SYT6: variants seen among roughly 807,000 people sequenced by gnomAD.
SYT6 encodes the protein synaptotagmin 6.
Under a neutral mutation model 38.4 loss-of-function variants are expected in SYT6, and 24 were observed. The ratio of observed to expected loss-of-function variants is 0.62; its 90% confidence interval spans 0.45 to 0.88. The LOEUF (loss-of-function observed/expected upper bound fraction) is 0.88. Ranked by LOEUF, SYT6 falls within the 40% of genes least tolerant of loss-of-function variation. The pLI, the probability that SYT6 is intolerant of heterozygous loss-of-function variation, is 0.00. For missense variants in SYT6, 611 were observed against 621.0 expected, an observed-to-expected ratio of 0.98 and a Z score of 0.17; for synonymous variants, 265 against 241.9, an observed-to-expected ratio of 1.10 and a Z score of -0.89.
chr1:114,112,740 G>A (rs1294749943), intron 3 of SYT6, among the ~76,000 whole-genome samples: 1 of 152,214 alleles, frequency 6.6e-6, no homozygotes, highest in African/African-American at 2.4e-5. Flanking sequence ...CAGGGGTGGT[G>A]GGGGTAGTAA....
intron 3 of SYT6, among the ~76,000 whole-genome samples, chr1:114,127,001 G>C (rs1042437741): frequency 6.6e-6 from 1 of 152,256 alleles, no homozygotes; most frequent in Non-Finnish European, 1.5e-5. Flanking sequence ...AAGCAGCAGA[G>C]AAGGATCTTT....
intron 3 of SYT6, among the ~76,000 whole-genome samples, chr1:114,123,647 T>C (rs552067891): frequency 3.3e-5 from 5 of 152,342 alleles, no homozygotes; most frequent in Non-Finnish European, 5.9e-5. Flanking sequence ...TAGGTGCTCC[T>C]TCATGTTCTG....
At chr1:114,130,697 G>A (rs1383342864) in intron 3 of SYT6, among the ~76,000 whole-genome samples, 1 of 152,190 alleles carries the variant, frequency 6.6e-6, no homozygotes, top group African/African-American at 2.4e-5. Context: ...TTGAAAGCAA[G>A]GACTATGTTT....
chr1:114,131,905 A>G (rs1678181669), intron 3 of SYT6, among the ~76,000 whole-genome samples: 1 of 152,200 alleles, frequency 6.6e-6, no homozygotes, highest in Non-Finnish European at 1.5e-5. Flanking sequence ...AAAAAACAGA[A>G]CAAAACACTC....
chr1:114,103,716 G>A lies in SYT6; in HGVS notation c.1077C>T (p.Ser359=), dbSNP rs368052418. The change falls in exon 4 of 8, where the codon AGC becomes AGT. Residue 359 remains serine, a synonymous_variant. Coordinates refer to ENST00000610222, the MANE Select transcript of SYT6 (RefSeq NM_001253772.2). ...WKDIQYATSE[S]VDLGEIMFSL... ...AGAACATGATCTCTCCCAAGTCCACGCTTTCCTGCAAAGAAGCACACAAGA... is the reference window on the plus strand; with the variant it reads ...AGAACATGATCTCTCCCAAGTCCACACTTTCCTGCAAAGAAGCACACAAGA... 8.7e-6 allele frequency: 14 copies of A among 1,613,190 alleles called. No homozygotes were observed. Among genetic ancestry groups the A allele is most frequent in the Admixed American group, 3.3e-5 (2 of 59,912 alleles).
chr1:114,119,967 C>T (rs911088344), intron 3 of SYT6, among the ~76,000 whole-genome samples: 6 of 150,850 alleles, frequency 4.0e-5, no homozygotes, highest in African/African-American at 1.2e-4. Flanking sequence ...GCTACTCGGG[C>T]GGCTGAGGCA....
At chr1:114,138,541 G>T (rs997110230) in intron 2 of SYT6, among the ~76,000 whole-genome samples, 4 of 152,174 alleles carry the variant, frequency 2.6e-5, no homozygotes, top group African/African-American at 9.7e-5. Context: ...GAGTTAGCCT[G>T]CATAGGTTAA....
chr1:114,109,077 G>A (rs1244244991), intron 3 of SYT6, among the ~76,000 whole-genome samples: 5 of 152,214 alleles, frequency 3.3e-5, no homozygotes, highest in Non-Finnish European at 5.9e-5. Context: ...ACCCCGCATT[G>A]TAGGCCTGGG....
intron 4 of SYT6, among the ~76,000 whole-genome samples, chr1:114,101,848 T>C (rs540252967): frequency 6.2e-4 from 94 of 152,308 alleles, no homozygotes; most frequent in African/African-American, 2.1e-3. Flanking sequence ...GCTTACTGTG[T>C]TTTATCCACT....
At chr1:114,094,573 G>A (rs1226338775) in intron 6 of SYT6, among the ~76,000 whole-genome samples, 1 of 152,158 alleles carries the variant, frequency 6.6e-6, no homozygotes, top group East Asian at 1.9e-4. Context: ...ATCCCAGCAG[G>A]GAAAGACACC....
chr1:114,145,021 T>C (rs2101112967), intron 1 of SYT6, among the ~76,000 whole-genome samples: 1 of 152,222 alleles, frequency 6.6e-6, no homozygotes, highest in African/African-American at 2.4e-5. Flanking sequence ...AGGTAGTCCT[T>C]CACCTGGAGA....
At chr1:114,102,489 G>A (rs1041412076) in intron 4 of SYT6, among the ~76,000 whole-genome samples, 3 of 152,144 alleles carry the variant, frequency 2.0e-5, no homozygotes, top group Admixed American at 6.6e-5. Flanking sequence ...TTTCGGCTGG[G>A]CCATCACCTC....
Position 114,099,120 on chromosome 1 carries a change from C to T in SYT6, c.1338G>A (p.Leu446=), listed in dbSNP as rs1675817622. 1.1e-5 allele frequency: 17 copies of T among 1,613,584 alleles called. No homozygotes were observed. The highest frequency in any genetic ancestry group is 1.4e-5 in the Non-Finnish European group (17 of 1,179,646). ...GATCATAGTCCATGACTGAGATGAG[C>T]AGGCTGACTTGATCCATGTTTTCCG... ...IPPENMDQVS[L]LISVMDYDRV... is the part of the protein sequence containing the mutation. Residue 446 remains leucine, a synonymous_variant, in exon 5 of 8, where the codon CTG becomes CTA. Transcript: ENST00000610222.
intron 1 of SYT6, chr1:114,152,104 C>G (rs781616965): frequency 2.0e-5 from 3 of 152,378 alleles, no homozygotes; most frequent in Non-Finnish European, 4.4e-5. Context: ...CCACCGCCCC[C>G]TCCCCCGAAC....
intron 1 of SYT6, among the ~76,000 whole-genome samples, chr1:114,141,237 A>G (rs1335849317): frequency 6.6e-6 from 1 of 152,256 alleles, no homozygotes; most frequent in Non-Finnish European, 1.5e-5. Context: ...CTCACAGCCA[A>G]GTTGTGAATG....
At chr1:114,111,529 C>A (rs1676676601) in intron 3 of SYT6, among the ~76,000 whole-genome samples, 3 of 152,302 alleles carry the variant, frequency 2.0e-5, no homozygotes, top group African/African-American at 7.2e-5. Flanking sequence ...GTTCTTTCTA[C>A]CACCTGAAAT....
chr1:114,109,830 G>A (rs1160781339), intron 3 of SYT6, among the ~76,000 whole-genome samples: 2 of 152,118 alleles, frequency 1.3e-5, no homozygotes, highest in East Asian at 1.9e-4. Context: ...TCCCAAAGAG[G>A]GTGATATTTG....
chr1:114,146,374 A>G (rs989501480), intron 1 of SYT6, among the ~76,000 whole-genome samples: 1 of 152,208 alleles, frequency 6.6e-6, no homozygotes, highest in African/African-American at 2.4e-5. Context: ...GGGCTGCATA[A>G]AGGCCCAGAT....
intron 3 of SYT6, among the ~76,000 whole-genome samples, chr1:114,115,257 G>C (rs1676925477): frequency 6.6e-6 from 1 of 152,172 alleles, no homozygotes; most frequent in Non-Finnish European, 1.5e-5. Context: ...CTTTTGTCTA[G>C]TTGGAAGAAC....
Sources: gnomAD v4.1 joint callset for allele counts (sites outside exome capture counted in the v4.1 genomes callset) on GRCh38, gnomAD v4.1.1 for gene constraint, MANE v1.5 for transcripts, NCBI Gene and HGNC (gene_info 2026-07-23, HGNC 2026-07-21) for gene names.